Variants in DGKB observed in about 807,000 individuals in gnomAD.
DGKB encodes the protein 90 kDa diacylglycerol kinase.
DGKB carries 67 observed loss-of-function variants against 114.3 expected under a neutral mutation model. The ratio of observed to expected loss-of-function variants is 0.59; its 90% CI spans 0.48 to 0.72. DGKB has a LOEUF of 0.72. DGKB is among the 30% of genes least tolerant of loss of function. DGKB has a pLI of 0.00. For missense variants in DGKB, 907 were observed against 975.2 expected (o/e 0.93, Z 0.93); for synonymous variants, 398 against 323.1 (o/e 1.23, Z -2.49).
At chr7:14,831,586 A>C (rs1846419636) in intron 2 of DGKB, among the ~76,000 whole-genome samples, 1 of 152,072 alleles carries the variant, frequency 6.6e-6, no homozygotes, top group Non-Finnish European at 1.5e-5. Flanking sequence ...TTTCCCAATA[A>C]AACTAAAGTA....
chr7:14,790,104 T>G (rs1840453165), intron 2 of DGKB, among the ~76,000 whole-genome samples: 1 of 152,254 alleles, frequency 6.6e-6, no homozygotes, highest in Admixed American at 6.5e-5. Context: ...GGACAATATC[T>G]GTTCATGCCT....
intron 1 of DGKB, among the ~76,000 whole-genome samples, chr7:14,956,319 C>T (rs2115252559): frequency 6.6e-6 from 1 of 152,004 alleles, no homozygotes; most frequent in African/African-American, 2.4e-5. Context: ...ACTCCTATGT[C>T]CACATAGTAA....
At chr7:14,248,542 A>G (rs376848896) in intron 23 of DGKB, among the ~76,000 whole-genome samples, 108 of 152,084 alleles carry the variant, frequency 7.1e-4, no homozygotes, top group African/African-American at 2.4e-3. Flanking sequence ...ACTGCTTTGT[A>G]GTTTTCAGTG....
At chr7:14,597,302 G>A (rs1474385) in intron 17 of DGKB, among the ~76,000 whole-genome samples, 76,990 of 151,998 alleles carry the variant, frequency 0.51, 19,680 homozygotes, top group African/African-American at 0.53. Context: ...GAAGAGATAA[G>A]TAAAAGTAAA....
intron 21 of DGKB, among the ~76,000 whole-genome samples, chr7:14,386,185 T>C (rs1047229663): frequency 6.6e-6 from 1 of 152,230 alleles, no homozygotes; most frequent in East Asian, 1.9e-4. Flanking sequence ...TCTAATGTAA[T>C]GATGCAGTAT....
chr7:14,523,353 C>T (rs1018474885), intron 20 of DGKB, among the ~76,000 whole-genome samples: 3 of 152,146 alleles, frequency 2.0e-5, no homozygotes, highest in African/African-American at 7.2e-5. Flanking sequence ...AATGAAATGA[C>T]TACATTATTT....
intron 23 of DGKB, among the ~76,000 whole-genome samples, chr7:14,294,796 T>G (rs2128477320): frequency 6.6e-6 from 1 of 152,310 alleles, no homozygotes; most frequent in South Asian, 2.1e-4. Context: ...TGAATGAGAC[T>G]AGAACTGCCT....
At chr7:14,817,556 TTTGTAA>T (rs1323105852) in intron 2 of DGKB, among the ~76,000 whole-genome samples, 1 of 152,174 alleles carries the variant, frequency 6.6e-6, no homozygotes. Flanking sequence ...TGGGTTTTGA[TTTGTAA>T]GGTTGTAAAA....
At chr7:14,342,450 A>T (rs886875770) in intron 22 of DGKB, among the ~76,000 whole-genome samples, 2 of 151,916 alleles carry the variant, frequency 1.3e-5, no homozygotes, top group East Asian at 3.9e-4. Context: ...ATTGGTTTTA[A>T]AATATTTTCT....
At chr7:14,729,055 G>C (rs1356090376) in intron 5 of DGKB, among the ~76,000 whole-genome samples, 9 of 150,658 alleles carry the variant, frequency 6.0e-5, no homozygotes, top group Non-Finnish European at 8.8e-5. Flanking sequence ...ATCTGATATG[G>C]TACACGTATT....
At chr7:14,689,611 T>G (rs1451057797) in intron 9 of DGKB, among the ~76,000 whole-genome samples, 1 of 152,190 alleles carries the variant, frequency 6.6e-6, no homozygotes, top group Non-Finnish European at 1.5e-5. Context: ...CTGTCATTCC[T>G]GAGGCTCAAA....
chr7:14,643,089 A>G (rs2128877891), intron 13 of DGKB, among the ~76,000 whole-genome samples: 1 of 152,344 alleles, frequency 6.6e-6, no homozygotes, highest in East Asian at 1.9e-4. Flanking sequence ...AAGGGAGAAC[A>G]CAAATTCAGC....
At chr7:14,244,985 C>A (rs141608516) in intron 23 of DGKB, among the ~76,000 whole-genome samples, 117 of 152,256 alleles carry the variant, frequency 7.7e-4, no homozygotes, top group Middle Eastern at 3.4e-3. Flanking sequence ...ACTCTTCTTA[C>A]CCCATGGCTC....
intron 23 of DGKB, among the ~76,000 whole-genome samples, chr7:14,180,210 CTG>C (rs1272419660): frequency 6.6e-6 from 1 of 152,080 alleles, no homozygotes; most frequent in Non-Finnish European, 1.5e-5. Context: ...AGGTAGAATT[CTG>C]TGTTAATTTC....
chr7:14,697,391 A>G (rs1010179226), intron 8 of DGKB, among the ~76,000 whole-genome samples: 1 of 152,180 alleles, frequency 6.6e-6, no homozygotes, highest in African/African-American at 2.4e-5. Flanking sequence ...TGCACTGTGC[A>G]TGGAAAACTA....
intron 21 of DGKB, among the ~76,000 whole-genome samples, chr7:14,452,864 C>T (rs1467750270): frequency 1.3e-5 from 2 of 151,998 alleles, no homozygotes; most frequent in African/African-American, 4.8e-5. Context: ...AACCAAGTGT[C>T]CCAGCACCAT....
chr7:14,629,767 T>C (rs1340845767), intron 14 of DGKB, among the ~76,000 whole-genome samples: 1 of 152,148 alleles, frequency 6.6e-6, no homozygotes, highest in Non-Finnish European at 1.5e-5. Flanking sequence ...TGGCATGGGC[T>C]AGGTGATTAA....
intron 23 of DGKB, among the ~76,000 whole-genome samples, chr7:14,316,789 C>T (rs1399091041): frequency 1.3e-5 from 2 of 151,412 alleles, no homozygotes; most frequent in Non-Finnish European, 2.9e-5. Flanking sequence ...TTTGATGAGG[C>T]CAGCATCATT....
At chr7:14,561,977 C>T (rs1166457625) in intron 20 of DGKB, among the ~76,000 whole-genome samples, 1 of 152,086 alleles carries the variant, frequency 6.6e-6, no homozygotes, top group Non-Finnish European at 1.5e-5. Context: ...GGCCTGGGGG[C>T]CTTGGAGGAA....
Sources: allele counts gnomAD v4.1 joint callset (sites outside exome capture counted in the v4.1 genomes callset), GRCh38; gene constraint gnomAD v4.1.1; transcripts MANE v1.5; gene names NCBI Gene and HGNC (gene_info 2026-07-23, HGNC 2026-07-21).